The following DIO2 variants were observed in gnomAD, a reference collection of about 807,000 sequenced individuals.
The protein encoded by DIO2 is type II iodothyronine deiodinase.
Under a neutral mutation model 21.4 loss-of-function variants are expected in DIO2, and 19 were observed. The ratio of observed to expected loss-of-function variants is 0.89; its 90% CI spans 0.62 to 1.30. The LOEUF is 1.30. Among genes scored for constraint, DIO2 ranks in the 50% most tolerant of loss-of-function variants. The pLI, the probability that DIO2 is intolerant of heterozygous loss-of-function variation, is 0.00. For synonymous variants in DIO2, 122 were observed against 132.9 expected, an observed-to-expected ratio of 0.92 and a Z score of 0.57; for missense variants, 302 against 338.1, an observed-to-expected ratio of 0.89 and a Z score of 0.84.
At chr14:80,229,183 G>A (rs1326030980) in intron 2 of DIO2, among the ~76,000 whole-genome samples, 2 of 152,044 alleles carry the variant, frequency 1.3e-5, no homozygotes, top group Non-Finnish European at 1.5e-5. Flanking sequence ...TATGAATTAA[G>A]TAGGAATGCA....
Position 80,205,664 on chromosome 14 carries a change from A to T in DIO2, c.223-2376T>A, listed in dbSNP as rs776993197. The stretch of plus-strand genomic sequence containing the variant: ...CCTTCTTAGAAACAATGTATAGTTC[A>T]GCTGCAGAATTCTTTCCAAAACACA... On this transcript the variant is annotated intron_variant, in intron 1 of 1. Transcript: ENST00000438257. 31 of 1,334,168 alleles carry T rather than the reference A, an allele frequency of 2.3e-5. No individual in the cohort carries two copies. In the South Asian group the frequency reaches 3.0e-4, roughly 13 times the overall value. 82.6% of individuals were successfully genotyped at this position (1,334,168 alleles called of 1,614,324 possible). A position where few individuals can be genotyped will look rare whatever the true frequency, so the allele number is the denominator to read the frequency against.
intron 2 of DIO2, among the ~76,000 whole-genome samples, chr14:80,228,009 G>A (rs931888471): frequency 6.6e-6 from 1 of 152,194 alleles, no homozygotes; most frequent in Non-Finnish European, 1.5e-5. Flanking sequence ...CTGAATTTTA[G>A]TCGGACTTAT....
At chr14:80,211,535 A>AT, upstream of DIO2, 1 of 447,710 alleles carries the variant, frequency 2.2e-6, no homozygotes, top group Non-Finnish European at 3.0e-6. Flanking sequence ...TCTTATTTAA[A>AT]AGGGGGGTGG....
intron 2 of DIO2, among the ~76,000 whole-genome samples, chr14:80,218,768 A>G (rs1481527401): frequency 3.9e-5 from 6 of 152,154 alleles, no homozygotes; most frequent in South Asian, 2.1e-4. Context: ...GCTTGAGGCC[A>G]GGAGTTCGAG....
rs1887682576 is a variant in DIO2 at position 80,200,767 on chromosome 14, A to T, written c.*1922T>A. 2 of 152,198 alleles carry T rather than the reference A, an allele frequency of 1.3e-5. No individual in the cohort carries two copies. Among genetic ancestry groups the T allele is most frequent in the Admixed American group, 6.5e-5 (1 of 15,278 alleles). The allele number at this position is 152,198 out of a possible 1,614,324, so 9.4% of individuals were successfully genotyped here. A position where few individuals can be genotyped will look rare whatever the true frequency, so the allele number is the denominator to read the frequency against. ...TGCCATGAAAAATCAGTCCCAATGG[A>T]GCTTTAATATTTACACAATATACCA... On this transcript the variant is annotated 3_prime_UTR_variant, in exon 2 of 2. Coordinates refer to ENST00000438257, the MANE Select transcript of DIO2 (RefSeq NM_013989.5).
chr14:80,203,337 T>C, intron 1 of DIO2, 49 bp from the exon 2 acceptor site: 2 of 1,477,606 alleles, frequency 1.4e-6, no homozygotes, highest in Non-Finnish European at 1.8e-6. Context: ...GGTGAGAATA[T>C]CACATTAAAC....
At chr14:80,218,236 A>G (rs1888394801) in intron 2 of DIO2, among the ~76,000 whole-genome samples, 1 of 145,364 alleles carries the variant, frequency 6.9e-6, no homozygotes, top group Non-Finnish European at 1.5e-5. Context: ...TAAACAAACA[A>G]ACAAAAAAAA....
In DIO2 at chr14:80,198,830, G is replaced by C. The variant is rs566333765; in HGVS notation, c.*3859C>G. ...AAAAGCCTTACTTGCAGTCTCCACTGCTGAGACACATGACAGTGGGGATGT... is the reference window on the plus strand; with the variant it reads ...AAAAGCCTTACTTGCAGTCTCCACTCCTGAGACACATGACAGTGGGGATGT... On this transcript the variant is annotated 3_prime_UTR_variant, in exon 2 of 2. Transcript: ENST00000438257. 3 of 150,608 alleles carry C rather than the reference G, an allele frequency of 2.0e-5. No homozygotes were observed. The highest frequency in any genetic ancestry group is 4.4e-5 in the Non-Finnish European group (3 of 67,914). The allele number at this position is 150,608 out of a possible 1,614,324, so 9.3% of individuals were successfully genotyped here.
In DIO2 at chr14:80,203,253, C is replaced by G. The variant is rs1714614438; in HGVS notation, c.258G>C (p.Val86=). Residue 86 remains valine (V), a synonymous_variant, in exon 2 of 2, where the codon GTG becomes GTC. Transcript: ENST00000438257. ...CTCCTTCTGTACTGGAGACATGCAC[C>G]ACACTGGAATTGGGGGCATCCTCAC... is the stretch of plus-strand genomic sequence containing the variant. ...KLGEDAPNSS[V]VHVSSTEGGD... 1 of 1,601,454 alleles carries G rather than the reference C, an allele frequency of 6.2e-7. No homozygotes were observed. The highest frequency in any genetic ancestry group is 2.2e-5 in the East Asian group (1 of 44,470).
chr14:80,211,538 G>C (rs1015734496), upstream of DIO2: 2 of 915,162 alleles, frequency 2.2e-6, no homozygotes, highest in Non-Finnish European at 1.6e-6. Flanking sequence ...TATTTAAAAG[G>C]GGGGTGGTGA....
chr14:80,198,042 A>G lies in DIO2; in HGVS notation c.*4647T>C, dbSNP rs900032543. On this transcript the variant is annotated 3_prime_UTR_variant, in exon 2 of 2. Transcript: ENST00000438257. ...CCTAATACACATAAAAACCACGCTGACCAGTGACATGGGCCTGGAGAAGTC... is the reference window on the plus strand; with the variant it reads ...CCTAATACACATAAAAACCACGCTGGCCAGTGACATGGGCCTGGAGAAGTC... 6.6e-6 allele frequency: 1 copy of G among 152,654 alleles called. No homozygotes were observed. The highest frequency in any genetic ancestry group is 2.4e-5 in the African/African-American group (1 of 41,440). 9.5% of individuals were successfully genotyped at this position (152,654 alleles called of 1,614,324 possible).
At chr14:80,224,745 T>G (rs900825305) in intron 2 of DIO2, among the ~76,000 whole-genome samples, 1 of 152,210 alleles carries the variant, frequency 6.6e-6, no homozygotes, top group South Asian at 2.1e-4. Context: ...GAACACAAGC[T>G]AAATGTTCCT....
intron 1 of DIO2, among the ~76,000 whole-genome samples, chr14:80,208,646 T>C (rs922261156): frequency 5.3e-5 from 8 of 152,220 alleles, no homozygotes; most frequent in Admixed American, 3.9e-4. Flanking sequence ...AATAGTGTGA[T>C]GCCATCTCAA....
At chr14:80,218,999 G>A (rs990325745) in intron 2 of DIO2, among the ~76,000 whole-genome samples, 2 of 152,080 alleles carry the variant, frequency 1.3e-5, no homozygotes, top group Non-Finnish European at 1.5e-5. Flanking sequence ...AGAAAAAAAT[G>A]CAATGTCTGC....
At chr14:80,219,652 T>C (rs970466533) in intron 2 of DIO2, among the ~76,000 whole-genome samples, 2 of 152,112 alleles carry the variant, frequency 1.3e-5, no homozygotes, top group South Asian at 4.2e-4. Context: ...GACAGACATA[T>C]AAACTAAAGA....
Position 80,199,605 on chromosome 14 carries a change from A to G in DIO2, c.*3084T>C, listed in dbSNP as rs1317871796. On this transcript the variant is annotated 3_prime_UTR_variant, in exon 2 of 2. Coordinates refer to ENST00000438257, the MANE Select transcript of DIO2 (RefSeq NM_013989.5). ...GAAAATCATTGTTGATCCCACTAGT[A>G]TTTTCACTAAGCAATAAATAAAGTC... The G allele has an allele frequency of 6.6e-6, 1 of 152,548 alleles. No individual in the cohort carries two copies. Among genetic ancestry groups the G allele is most frequent in the Non-Finnish European group, 1.5e-5 (1 of 68,030 alleles). 9.4% of individuals were successfully genotyped at this position (152,548 alleles called of 1,614,324 possible).
At chr14:80,205,778 C>G (rs377081861) in intron 1 of DIO2, 2 of 1,193,432 alleles carry the variant, frequency 1.7e-6, no homozygotes, top group Non-Finnish European at 2.2e-6. Flanking sequence ...TCGTAATGCT[C>G]TTTATGGGGG....
At chr14:80,223,296 C>T (rs1418771934) in intron 2 of DIO2, among the ~76,000 whole-genome samples, 5 of 152,130 alleles carry the variant, frequency 3.3e-5, no homozygotes, top group African/African-American at 9.7e-5. Flanking sequence ...CATATAGCCC[C>T]TGGATGAAGT....
chr14:80,218,795 T>G (rs1219179687), intron 2 of DIO2, among the ~76,000 whole-genome samples: 1 of 152,026 alleles, frequency 6.6e-6, no homozygotes, highest in African/African-American at 2.4e-5. Context: ...CTGGCCAACA[T>G]GATGAAACCC....
Sources: gnomAD v4.1 joint callset for allele counts (sites outside exome capture counted in the v4.1 genomes callset) on GRCh38, gnomAD v4.1.1 for gene constraint, MANE v1.5 for transcripts, NCBI Gene and HGNC (gene_info 2026-07-23, HGNC 2026-07-21) for gene names.